Variants in USH2A observed in about 807,000 individuals in gnomAD.
USH2A encodes usherin.
Under a neutral mutation model 538.9 loss-of-function variants are expected in USH2A, and 443 were observed. That is an observed-to-expected ratio of 0.82 (90% CI 0.76 to 0.89). The LOEUF is 0.89. USH2A is among the 40% of genes least tolerant of loss of function. USH2A has a pLI of 0.00. For missense variants in USH2A, 6,633 were observed against 6,324.8 expected, an observed-to-expected ratio of 1.05 and a Z score of -1.65; for synonymous variants, 2,413 against 2,273.5, an observed-to-expected ratio of 1.06 and a Z score of -1.75.
intron 14 of USH2A, among the ~76,000 whole-genome samples, chr1:216,217,871 T>C (rs1190053243): frequency 6.6e-6 from 1 of 152,136 alleles, no homozygotes; most frequent in East Asian, 1.9e-4. Flanking sequence ...AGTTGTTCAA[T>C]TAAGAATGCT....
At chr1:216,217,162 T>C (rs1432674582) in intron 15 of USH2A, among the ~76,000 whole-genome samples, 1 of 152,112 alleles carries the variant, frequency 6.6e-6, no homozygotes, top group Non-Finnish European at 1.5e-5. Context: ...CAAAAAACTA[T>C]TGTAAATTTC....
At chr1:215,788,181 C>G (rs572051807) in intron 51 of USH2A, among the ~76,000 whole-genome samples, 1 of 151,944 alleles carries the variant, frequency 6.6e-6, no homozygotes, top group Non-Finnish European at 1.5e-5. Flanking sequence ...CAGTGCATAC[C>G]TTTTTGGAAG....
chr1:216,396,165 A>G (rs2039207817), intron 3 of USH2A, among the ~76,000 whole-genome samples: 1 of 152,214 alleles, frequency 6.6e-6, no homozygotes, highest in Admixed American at 6.5e-5. Flanking sequence ...ACAGAAAGAT[A>G]TACAAAAATG....
chr1:216,154,651 C>T (rs2102623275), intron 21 of USH2A, among the ~76,000 whole-genome samples: 1 of 152,136 alleles, frequency 6.6e-6, no homozygotes, highest in South Asian at 2.1e-4. Flanking sequence ...TTTCCATCAC[C>T]CCCTCCTCCT....
chr1:215,922,333 C>T (rs964072344), intron 38 of USH2A, among the ~76,000 whole-genome samples: 12 of 152,058 alleles, frequency 7.9e-5, no homozygotes, highest in African/African-American at 2.7e-4. Flanking sequence ...TAGAACTCAA[C>T]ATCTGGAATT....
At chr1:216,331,087 C>A (rs1339602012) in intron 4 of USH2A, among the ~76,000 whole-genome samples, 2 of 151,930 alleles carry the variant, frequency 1.3e-5, no homozygotes, top group African/African-American at 4.8e-5. Context: ...TGAAGAAATT[C>A]TTCATAAAAA....
chr1:215,878,576 A>T (rs919448277), intron 42 of USH2A, among the ~76,000 whole-genome samples, 188 bp downstream of exon 42: 3 of 152,188 alleles, frequency 2.0e-5, no homozygotes, highest in Non-Finnish European at 4.4e-5. Context: ...CTTCAAATTG[A>T]TAAACTTTGA....
intron 32 of USH2A, among the ~76,000 whole-genome samples, chr1:216,040,756 T>A (rs935068025): frequency 1.3e-5 from 2 of 152,002 alleles, no homozygotes. Context: ...GATATCAATA[T>A]AGGTCCTTCA....
rs761831384 is a variant in USH2A, at chr1:216,327,579, A to T, written c.848+12T>A. The stretch of plus-strand genomic sequence containing the variant: ...TTCGGTTCTTGAGGTTTACAATGCA[A>T]CATCTGCTTACCTGTTTGTAAGTGC... On this transcript the variant is annotated intron_variant, in intron 5 of 71. Transcript: ENST00000307340. The T allele has an allele frequency of 1.2e-6, 2 of 1,613,046 alleles. No homozygotes were observed. The highest frequency in any genetic ancestry group is 3.3e-5 in the Admixed American group (2 of 59,934).
intron 3 of USH2A, among the ~76,000 whole-genome samples, chr1:216,408,699 T>C (rs984339899): frequency 6.6e-6 from 1 of 152,200 alleles, no homozygotes; most frequent in Non-Finnish European, 1.5e-5. Flanking sequence ...CATAGCCAAA[T>C]TGCCAGCATT....
rs149427356 is a variant in USH2A at position 216,228,812 on chromosome 1, C to A, written c.2993+3141G>T. Among the ~76,000 whole-genome samples, 240 of 152,218 alleles carry A rather than the reference C, an allele frequency of 1.6e-3. 1 individual carries two copies. Among genetic ancestry groups the A allele is most frequent in the South Asian group, 7.5e-3 (36 of 4,818 alleles). ...AATTTTAAAAAGGTAATCTCACCAC[C>A]CCCATCAATATAACAGGAGCCAACT... On this transcript the variant is annotated intron_variant, in intron 14 of 71. Transcript: ENST00000307340.
At chr1:216,281,110 T>C (rs1035873580) in intron 11 of USH2A, among the ~76,000 whole-genome samples, 1 of 152,198 alleles carries the variant, frequency 6.6e-6, no homozygotes, top group African/African-American at 2.4e-5. Flanking sequence ...TCTCCACATG[T>C]AACGATACTC....
chr1:216,138,673 A>G (rs1403312612), intron 21 of USH2A, among the ~76,000 whole-genome samples: 1 of 152,138 alleles, frequency 6.6e-6, no homozygotes, highest in Non-Finnish European at 1.5e-5. Flanking sequence ...TGTTCTAGCA[A>G]TAACATGTAG....
chr1:215,880,523 G>A (rs1426695086), intron 41 of USH2A, among the ~76,000 whole-genome samples: 1 of 152,154 alleles, frequency 6.6e-6, no homozygotes, highest in Non-Finnish European at 1.5e-5. Flanking sequence ...TATAAACATA[G>A]AGGATTTGCC....
chr1:216,019,628 A>T (rs969653957), intron 32 of USH2A, among the ~76,000 whole-genome samples: 1 of 152,186 alleles, frequency 6.6e-6, no homozygotes, highest in Non-Finnish European at 1.5e-5. Context: ...AATAAAAACA[A>T]CTTGGCAATC....
At chr1:216,420,915 T>C (rs1481623435) in intron 2 of USH2A, among the ~76,000 whole-genome samples, 2 of 152,156 alleles carry the variant, frequency 1.3e-5, no homozygotes, top group Non-Finnish European at 2.9e-5. Context: ...GCTTATGAGA[T>C]TGTAATCCTT....
At position 215,642,724 on chromosome 1, in the gene USH2A, C is replaced by T. The variant is rs181813628; in HGVS notation, c.14792-1990G>A. Among the ~76,000 whole-genome samples the T allele has an allele frequency of 3.6e-3, 549 of 152,198 alleles. 1 individual carries two copies. Among genetic ancestry groups the T allele is most frequent in the African/African-American group, 0.013 (519 of 41,516 alleles). ...TATTATATAATGATACGCTACAACC[C>T]ATCCCTTCCTAACTCTGTTCAGTGC... On this transcript the variant is annotated intron_variant, in intron 67 of 71. Coordinates refer to ENST00000307340, the MANE Select transcript of USH2A (RefSeq NM_206933.4).
chr1:216,063,956 A>C (rs1375079352), intron 30 of USH2A, among the ~76,000 whole-genome samples: 1 of 152,218 alleles, frequency 6.6e-6, no homozygotes, highest in Non-Finnish European at 1.5e-5. Flanking sequence ...AGATTAATCA[A>C]AACGAAATAA....
intron 66 of USH2A, 118 bp downstream of exon 66, chr1:215,648,410 G>T: frequency 1.9e-6 from 2 of 1,052,128 alleles, no homozygotes; most frequent in Non-Finnish European, 1.5e-6. Context: ...GTCCTCCCTG[G>T]GGAGTGCCAG....
Sources: gnomAD v4.1 joint callset for allele counts (sites outside exome capture counted in the v4.1 genomes callset) on GRCh38, gnomAD v4.1.1 for gene constraint, MANE v1.5 for transcripts, NCBI Gene and HGNC (gene_info 2026-07-23, HGNC 2026-07-21) for gene names.